Variants in SMIM41 observed in about 807,000 individuals in gnomAD.
SMIM41 encodes small integral membrane protein 41.
In SMIM41 at chr12:52,081,814, C is replaced by T. The variant is rs903199640; in HGVS notation, c.*120+1633C>T. Among the ~76,000 whole-genome samples the T allele has an allele frequency of 2.0e-5, 3 of 152,174 alleles. No individual in the cohort carries two copies. Among genetic ancestry groups the T allele is most frequent in the Non-Finnish European group, 2.9e-5 (2 of 68,040 alleles). ...ACGCGGGAGAACAGTAAGTGACATG[C>T]TCACATGAATGACAGAGCTGGAAGC... is the stretch of plus-strand genomic sequence containing the variant. On this transcript the variant is annotated intron_variant, in intron 1 of 2. Transcript: ENST00000546390. The surrounding 1 kb of genome is among the most constrained non-coding windows in gnomAD (Gnocchi z 4.1).
rs970405825 is a variant in SMIM41, at chr12:52,080,188, G to A, written c.*120+7G>A. ...AGCGGCGCGCCCCACACAGGTGAGA[G>A]GGAGGGTAGCAGGAGTGTGGGCGCG... is the stretch of plus-strand genomic sequence containing the variant. On this transcript the variant is annotated splice_region_variant and intron_variant, in intron 1 of 2. Transcript: ENST00000546390. The A allele has an allele frequency of 4.4e-5, 14 of 320,296 alleles. No individual in the cohort carries two copies. Among genetic ancestry groups the A allele is most frequent in the Non-Finnish European group, 5.1e-5 (9 of 175,740 alleles). 19.8% of individuals were successfully genotyped at this position (320,296 alleles called of 1,614,324 possible).
At chr12:52,100,459 CTT>C (rs560412492) in intron 2 of SMIM41, among the ~76,000 whole-genome samples, 17 of 143,652 alleles carry the variant, frequency 1.2e-4, no homozygotes, top group East Asian at 2.0e-4. Flanking sequence ...TATTTTCTTT[CTT>C]TTTTTTTTTT....
chr12:52,087,335 C>T (rs1456898680), intron 2 of SMIM41, among the ~76,000 whole-genome samples: 2 of 152,240 alleles, frequency 1.3e-5, no homozygotes, highest in African/African-American at 2.4e-5. Context: ...CTGCCGCCTC[C>T]GGTTACTATC....
intron 2 of SMIM41, among the ~76,000 whole-genome samples, chr12:52,102,232 A>G (rs1940229756): frequency 2.0e-5 from 3 of 152,190 alleles, no homozygotes; most frequent in Admixed American, 2.0e-4. Flanking sequence ...AATTAACACA[A>G]ACTGGATCAA....
At position 52,107,549 on chromosome 12, in the gene SMIM41, C is replaced by T. The variant is rs561323126; in HGVS notation, c.*366C>T. ...ACCTGTCCTTGCCTGACATCGGTTTCACCTCCACCACGGTCCCCCAGATGA... is the reference window on the plus strand; with the variant it reads ...ACCTGTCCTTGCCTGACATCGGTTTTACCTCCACCACGGTCCCCCAGATGA... On this transcript the variant is annotated 3_prime_UTR_variant, in exon 3 of 3. Coordinates refer to ENST00000546390, the MANE Select transcript of SMIM41 (RefSeq NM_001369216.1). 809 of 954,718 alleles carry T rather than the reference C, an allele frequency of 8.5e-4. 10 individuals carry two copies. The South Asian group carries it at 9.3e-3, about 11-fold the overall frequency. 59.1% of individuals were successfully genotyped at this position (954,718 alleles called of 1,614,324 possible).
At chr12:52,087,104 C>T (rs1939905112) in intron 2 of SMIM41, among the ~76,000 whole-genome samples, 1 of 152,208 alleles carries the variant, frequency 6.6e-6, no homozygotes, top group Non-Finnish European at 1.5e-5. Flanking sequence ...ACCTGTCCCT[C>T]CCACCTCCCA....
chr12:52,080,086 C>T lies in SMIM41; in HGVS notation c.*25C>T. On this transcript the variant is annotated 3_prime_UTR_variant, in exon 1 of 3. Coordinates refer to ENST00000546390, the MANE Select transcript of SMIM41 (RefSeq NM_001369216.1). Reference sequence around the variant, plus strand: ...GGCGCCCGGCTGCGCTCGGTGGTCGCGGCCTCCAGGCAGCCCCTGACTCCG... The same window carrying T: ...GGCGCCCGGCTGCGCTCGGTGGTCGTGGCCTCCAGGCAGCCCCTGACTCCG... 2 of 355,272 alleles carry T rather than the reference C, an allele frequency of 5.6e-6. No individual in the cohort carries two copies. Among genetic ancestry groups the T allele is most frequent in the South Asian group, 1.3e-4 (1 of 7,462 alleles). The allele number at this position is 355,272 out of a possible 1,614,324, so 22.0% of individuals were successfully genotyped here.
chr12:52,099,560 A>G (rs1940173259), intron 2 of SMIM41, among the ~76,000 whole-genome samples: 1 of 151,702 alleles, frequency 6.6e-6, no homozygotes, highest in Non-Finnish European at 1.5e-5. Flanking sequence ...CCTCTCCTCC[A>G]CGGTTTTTAG....
chr12:52,081,718 C>T lies in SMIM41; in HGVS notation c.*120+1537C>T, dbSNP rs1939822284. Among the ~76,000 whole-genome samples, 1 of 152,152 alleles carries T rather than the reference C, an allele frequency of 6.6e-6. No individual in the cohort carries two copies. Among genetic ancestry groups the T allele is most frequent in the Non-Finnish European group, 1.5e-5 (1 of 68,014 alleles). On this transcript the variant is annotated intron_variant, in intron 1 of 2. Coordinates refer to ENST00000546390, the MANE Select transcript of SMIM41 (RefSeq NM_001369216.1). The surrounding 1 kb of genome is among the most constrained non-coding windows in gnomAD (Gnocchi z 4.1). ...AGCTGCCTTGCCTGTCACCCTCTGGCCCCATACTCTCCTCTCCTTTCCCAG... is the reference window on the plus strand; with the variant it reads ...AGCTGCCTTGCCTGTCACCCTCTGGTCCCATACTCTCCTCTCCTTTCCCAG...
intron 2 of SMIM41, chr12:52,104,418 C>A: frequency 6.1e-6 from 1 of 163,694 alleles, no homozygotes; most frequent in South Asian, 1.8e-4. Flanking sequence ...CTCACCCTGT[C>A]TTCTTGCCAG....
chr12:52,095,409 G>C (rs1244692654), intron 2 of SMIM41, among the ~76,000 whole-genome samples: 1 of 151,922 alleles, frequency 6.6e-6, no homozygotes, highest in African/African-American at 2.4e-5. Flanking sequence ...GCGTGTTTAC[G>C]TTATTGTCAG....
intron 2 of SMIM41, among the ~76,000 whole-genome samples, chr12:52,097,147 C>A (rs1195284894): frequency 1.3e-5 from 2 of 151,990 alleles, no homozygotes; most frequent in Admixed American, 1.3e-4. Flanking sequence ...GGGGTGAACA[C>A]CCCCTCCATG....
At chr12:52,099,226 T>C (rs1266143061) in intron 2 of SMIM41, among the ~76,000 whole-genome samples, 1 of 151,148 alleles carries the variant, frequency 6.6e-6, no homozygotes, top group Non-Finnish European at 1.5e-5. Flanking sequence ...AGTAGTAATA[T>C]CATCCTGTGC....
intron 2 of SMIM41, among the ~76,000 whole-genome samples, chr12:52,105,196 C>T (rs1280419403): frequency 6.6e-6 from 1 of 152,202 alleles, no homozygotes; most frequent in Non-Finnish European, 1.5e-5. Flanking sequence ...TAGACCACAG[C>T]TAGACCAGTG....
chr12:52,079,991 G>A lies in SMIM41; in HGVS notation c.212G>A (p.Arg71His), dbSNP rs1939794177. The A allele has an allele frequency of 7.9e-6, 3 of 378,408 alleles. No homozygotes were observed. Among genetic ancestry groups the A allele is most frequent in the Non-Finnish European group, 1.4e-5 (3 of 213,050 alleles). The allele number at this position is 378,408 out of a possible 1,614,324, so 23.4% of individuals were successfully genotyped here. A position where few individuals can be genotyped will look rare whatever the true frequency, so the allele number is the denominator to read the frequency against. ...CAGGGCCTGACAGCGCTGCTGACCC[G>A]CGAGCAGCGCGCGTCCCGCGAGCCC... ...RAQGLTALLT[R>H]EQRASREPEP... is the part of the protein sequence containing the mutation. Residue 71 changes from arginine to histidine, a missense_variant, in exon 1 of 3, where the codon CGC becomes CAC. Arg to His is a conservative substitution (Grantham distance 29). Transcript: ENST00000546390.
At chr12:52,083,828 A>G (rs1939852329) in intron 1 of SMIM41, 66 bp from the exon 2 acceptor site, 1 of 152,230 alleles carries the variant, frequency 6.6e-6, no homozygotes. Context: ...ATTTATTGAA[A>G]AAAGTCTTTC....
intron 2 of SMIM41, among the ~76,000 whole-genome samples, chr12:52,089,779 C>T (rs139536230): frequency 6.2e-4 from 94 of 152,368 alleles, no homozygotes; most frequent in African/African-American, 2.2e-3. Context: ...GCGTCTCTGT[C>T]TCCAAATTTC....
In SMIM41 at chr12:52,098,477, C is replaced by T. The variant is rs1489722608; in HGVS notation, c.*196-8902C>T. 3.4e-5 allele frequency among the ~76,000 whole-genome samples: 5 copies of T among 148,526 alleles called. No homozygotes were observed. The South Asian group carries it at 8.7e-4, about 26-fold the overall frequency. ...CCTGCGATATTTGGAGTAATATCATCGTCTCCCCTCATGAATATTAAGAAC... is the reference window on the plus strand; with the variant it reads ...CCTGCGATATTTGGAGTAATATCATTGTCTCCCCTCATGAATATTAAGAAC... On this transcript the variant is annotated intron_variant, in intron 2 of 2. Coordinates refer to ENST00000546390, the MANE Select transcript of SMIM41 (RefSeq NM_001369216.1).
chr12:52,092,656 T>C (rs1565667660), intron 2 of SMIM41: 1 of 152,220 alleles, frequency 6.6e-6, no homozygotes, highest in African/African-American at 2.4e-5. Context: ...CCAACATTCA[T>C]GCTTTGGGAA....
Sources: allele counts gnomAD v4.1 joint callset (sites outside exome capture counted in the v4.1 genomes callset), GRCh38; gene constraint gnomAD v4.1.1; non-coding constraint Gnocchi (gnomAD v3.1); transcripts MANE v1.5; gene names NCBI Gene and HGNC (gene_info 2026-07-23, HGNC 2026-07-21).